The following ZNF280B variants were observed in gnomAD, a reference collection of about 807,000 sequenced individuals.
ZNF280B encodes the protein suppressor of hairy wing homolog 2.
ZNF280B carries 16 observed loss-of-function variants against 38.0 expected under a neutral mutation model. The observed-to-expected ratio is 0.42, with a 90% confidence interval of 0.28 to 0.64. ZNF280B has a LOEUF of 0.64. Among genes scored for constraint, ZNF280B ranks in the 30% least tolerant of loss-of-function variants. The pLI is 0.21. For synonymous variants in ZNF280B, 253 were observed against 230.6 expected, an observed-to-expected ratio of 1.10 and a Z score of -0.88; for missense variants, 581 against 639.6, an observed-to-expected ratio of 0.91 and a Z score of 0.99.
intron 2 of ZNF280B, among the ~76,000 whole-genome samples, chr22:22,499,437 T>C (rs923275722): frequency 1.3e-5 from 2 of 151,840 alleles, no homozygotes; most frequent in African/African-American, 4.8e-5. Context: ...GCTAATTTGT[T>C]TGTATTTTTA....
intron 2 of ZNF280B, among the ~76,000 whole-genome samples, chr22:22,496,862 G>A (rs1409140046): frequency 6.7e-6 from 1 of 148,228 alleles, no homozygotes; most frequent in South Asian, 2.2e-4. Context: ...CTGTCACCCA[G>A]GCTGGAGTGC....
rs1452011504 is a variant in ZNF280B at position 22,489,024 on chromosome 22, A to C, written c.375T>G (p.Asp125Glu). The C allele has an allele frequency of 6.2e-7, 1 of 1,613,852 alleles. No homozygotes were observed. The highest frequency in any genetic ancestry group is 1.1e-5 in the South Asian group (1 of 91,074). Residue 125 changes from aspartate (D) to glutamate (E), a missense_variant, in exon 4 of 4, where the codon GAT becomes GAG. By Grantham distance (45) the Asp-to-Glu change is conservative. Transcript: ENST00000626650. The stretch of plus-strand genomic sequence containing the variant: ...CAACTTGTGGTGAACTATTTCTATA[A>C]TCAGGTTTAGACAAAGGCTCAATAA... Reference protein sequence around the residue: ...PIIIEPLSKPDYRNSSPQVVP... With the variant: ...PIIIEPLSKPEYRNSSPQVVP...
chr22:22,507,132 C>T (rs1462970287), intron 2 of ZNF280B, among the ~76,000 whole-genome samples: 2 of 151,868 alleles, frequency 1.3e-5, no homozygotes, highest in East Asian at 3.9e-4. Flanking sequence ...GGCCTCTTGC[C>T]AACAGCCCAG....
At position 22,489,285 on chromosome 22, in the gene ZNF280B, T is replaced by A. The variant is rs1390568804; in HGVS notation, c.114A>T (p.Val38=). The A allele has an allele frequency of 1.2e-6, 2 of 1,613,890 alleles. No individual in the cohort carries two copies. The highest frequency in any genetic ancestry group is 3.3e-5 in the Admixed American group (2 of 59,994). Residue 38 remains valine, a synonymous_variant, in exon 4 of 4, where the codon GTA becomes GTT. Coordinates refer to ENST00000626650, the MANE Select transcript of ZNF280B (RefSeq NM_080764.4). ...AELIFVGVEH[V]NEDAELIFVG... ...CAAAGATTAGCTCAGCATCTTCATT[T>A]ACATGTTCCACACCAACAAAGATGA...
intron 3 of ZNF280B, among the ~76,000 whole-genome samples, chr22:22,493,008 T>A (rs1383799354): frequency 2.0e-5 from 3 of 151,914 alleles, no homozygotes; most frequent in Non-Finnish European, 2.9e-5. Context: ...AGTTTATTAT[T>A]GTTATTATTT....
Position 22,486,825 on chromosome 22 carries a change from A to G in ZNF280B, c.*942T>C, listed in dbSNP as rs2061508598. 1 of 151,948 alleles carries G rather than the reference A, an allele frequency of 6.6e-6. No individual in the cohort carries two copies. The highest frequency in any genetic ancestry group is 2.4e-5 in the African/African-American group (1 of 41,384). 9.4% of individuals were successfully genotyped at this position (151,948 alleles called of 1,614,324 possible). On this transcript the variant is annotated 3_prime_UTR_variant, in exon 4 of 4. Coordinates refer to ENST00000626650, the MANE Select transcript of ZNF280B (RefSeq NM_080764.4). Reference sequence around the variant, plus strand: ...AGAATGAATGTGTGCCTATACTTCAACTAGAACAAAGAACCACTGCTCTCC... The same window carrying G: ...AGAATGAATGTGTGCCTATACTTCAGCTAGAACAAAGAACCACTGCTCTCC...
chr22:22,505,217 A>T (rs968766180), intron 2 of ZNF280B, among the ~76,000 whole-genome samples: 1 of 151,964 alleles, frequency 6.6e-6, no homozygotes, highest in African/African-American at 2.4e-5. Flanking sequence ...GAAATGAGAT[A>T]AAAAATGAGC....
At chr22:22,505,976 T>C (rs147097288) in intron 2 of ZNF280B, among the ~76,000 whole-genome samples, 73 of 151,870 alleles carry the variant, frequency 4.8e-4, no homozygotes, top group African/African-American at 1.7e-3. Context: ...CAAAAGATGA[T>C]GGTAGTATCA....
chr22:22,508,241 A>C (rs999579460), intron 1 of ZNF280B, among the ~76,000 whole-genome samples: 1 of 151,920 alleles, frequency 6.6e-6, no homozygotes, highest in Admixed American at 6.6e-5. Flanking sequence ...CTGGGCCTAC[A>C]GGTCTCCAGA....
intron 3 of ZNF280B, among the ~76,000 whole-genome samples, chr22:22,493,779 CA>C (rs1296823594): frequency 6.6e-6 from 1 of 151,900 alleles, no homozygotes; most frequent in Admixed American, 6.6e-5. Flanking sequence ...CACAACACCA[CA>C]AGATGGATCT....
At position 22,488,538 on chromosome 22, in the gene ZNF280B, G is replaced by A. The variant is rs2061533797; in HGVS notation, c.861C>T (p.Asp287=). The change falls in exon 4 of 4, where the codon GAC becomes GAT. Residue 287 remains aspartate, a synonymous_variant. Transcript: ENST00000626650. ...KKENPIVLLS[D]FYYGQHKGEG... ...CTCCTTTATGCTGTCCATAGTAAAA[G>A]TCACTAAGTAACACAATGGGATTTT... 1 of 1,613,834 alleles carries A rather than the reference G, an allele frequency of 6.2e-7. No homozygotes were observed. Among genetic ancestry groups the A allele is most frequent in the African/African-American group, 1.3e-5 (1 of 74,868 alleles).
At chr22:22,502,079 A>C (rs902654347) in intron 2 of ZNF280B, among the ~76,000 whole-genome samples, 4 of 152,022 alleles carry the variant, frequency 2.6e-5, no homozygotes, top group Non-Finnish European at 5.9e-5. Context: ...GTGGGCCATA[A>C]TTGTGTCACT....
At chr22:22,498,335 A>T (rs189987444) in intron 2 of ZNF280B, among the ~76,000 whole-genome samples, 1 of 152,114 alleles carries the variant, frequency 6.6e-6, no homozygotes, top group Non-Finnish European at 1.5e-5. Flanking sequence ...TGTTTATTTT[A>T]AAATGACTGA....
chr22:22,488,661 G>A lies in ZNF280B; in HGVS notation c.738C>T (p.Phe246=). ...PAAFPKDNIH[F]KPINTNLDRA... ...TATCAAGATTTGTATTTATAGGCTT[G>A]AAATGGATATTGTCCTTTGGAAAAG... is the stretch of plus-strand genomic sequence containing the variant. Residue 246 remains phenylalanine, a synonymous_variant, in exon 4 of 4, where the codon TTC becomes TTT. Coordinates refer to ENST00000626650, the MANE Select transcript of ZNF280B (RefSeq NM_080764.4). 6.2e-7 allele frequency: 1 copy of A among 1,613,832 alleles called. No homozygotes were observed. Among genetic ancestry groups the A allele is most frequent in the Non-Finnish European group, 8.5e-7 (1 of 1,179,958 alleles).
chr22:22,500,057 C>A (rs2061784962), intron 2 of ZNF280B, among the ~76,000 whole-genome samples: 2 of 151,916 alleles, frequency 1.3e-5, no homozygotes, highest in Non-Finnish European at 2.9e-5. Context: ...TGAGATACCA[C>A]CTCACACCTA....
intron 2 of ZNF280B, among the ~76,000 whole-genome samples, chr22:22,496,416 C>CGTTGA (rs2061696035): frequency 6.6e-6 from 1 of 151,764 alleles, no homozygotes; most frequent in South Asian, 2.1e-4. Context: ...TAGTTTCAAC[C>CGTTGA]CTATTTTACA....
At chr22:22,502,419 C>A (rs1285397728) in intron 2 of ZNF280B, among the ~76,000 whole-genome samples, 1 of 151,760 alleles carries the variant, frequency 6.6e-6, no homozygotes, top group Non-Finnish European at 1.5e-5. Context: ...TACCATATGA[C>A]CCAACAATAT....
In ZNF280B at chr22:22,488,510, C is replaced by G. The variant is rs761790240; in HGVS notation, c.889G>C (p.Gly297Arg). 6.2e-7 allele frequency: 1 copy of G among 1,613,900 alleles called. No homozygotes were observed. The highest frequency in any genetic ancestry group is 8.5e-7 in the Non-Finnish European group (1 of 1,179,982). ...DFYYGQHKGE[G>R]QPEQKTHTTF... ...GTGTGAGTCTTCTGTTCCGGCTGCC[C>G]TTCTCCTTTATGCTGTCCATAGTAA... The change falls in exon 4 of 4, where the codon GGG (glycine) becomes CGG (arginine). Residue 297 changes from glycine (G) to arginine (R), a missense_variant. By Grantham distance (125) the Gly-to-Arg change is moderately radical. Transcript: ENST00000626650.
chr22:22,506,526 G>C (rs1002652850), intron 2 of ZNF280B, among the ~76,000 whole-genome samples: 1 of 151,760 alleles, frequency 6.6e-6, no homozygotes, highest in Admixed American at 6.6e-5. Flanking sequence ...GGAAGAACGA[G>C]AACAGGAGAT....
Sources: allele counts gnomAD v4.1 joint callset (sites outside exome capture counted in the v4.1 genomes callset), GRCh38; gene constraint gnomAD v4.1.1; transcripts MANE v1.5; gene names NCBI Gene and HGNC (gene_info 2026-07-23, HGNC 2026-07-21).